SLC25A37: variants seen among roughly 807,000 people sequenced by gnomAD.
The protein encoded by SLC25A37 is solute carrier family 25 member 37, also known as mitoferrin-1.
A neutral mutation model predicts 31.0 loss-of-function variants in SLC25A37; 17 were observed. The ratio of observed to expected loss-of-function variants is 0.55; its 90% CI spans 0.38 to 0.82. The LOEUF is 0.82. Ranked by LOEUF, SLC25A37 falls within the 40% of genes least tolerant of loss-of-function variation. The probability of loss-of-function intolerance (pLI) is 0.00; values close to 1 mark genes in which losing one functional copy is unlikely to be tolerated. For missense variants in SLC25A37, 404 were observed against 465.8 expected (o/e 0.87, Z 1.22); for synonymous variants, 222 against 193.0 (o/e 1.15, Z -1.24).
At chr8:23,562,042 A>G (rs1250118331) in intron 1 of SLC25A37, among the ~76,000 whole-genome samples, 6 of 152,174 alleles carry the variant, frequency 3.9e-5, no homozygotes, top group East Asian at 1.9e-4. Context: ...GCCCTGCTCA[A>G]TGGGGCTCTG....
chr8:23,538,380 C>CAAA (rs1286476649), intron 1 of SLC25A37, among the ~76,000 whole-genome samples: 127 of 10,734 alleles, frequency 0.012, 18 homozygotes, highest in African/African-American at 0.023. Flanking sequence ...GACTTCATCT[C>CAAA]AAAAAAAAAA....
chr8:23,567,968 G>A (rs1213236922), intron 2 of SLC25A37: 2 of 356,028 alleles, frequency 5.6e-6, no homozygotes, highest in Non-Finnish European at 1.1e-5. Flanking sequence ...GTAGACAAAG[G>A]CGAGGGACAA....
chr8:23,571,499 T>C lies in SLC25A37; in HGVS notation c.661T>C (p.Phe221Leu), dbSNP rs1257088964. 5.0e-6 allele frequency: 8 copies of C among 1,613,850 alleles called. No individual in the cohort carries two copies. In the East Asian group the frequency reaches 1.8e-4, roughly 36 times the overall value. Residue 221 changes from phenylalanine (F) to leucine (L), a missense_variant, in exon 4 of 4, where the codon TTC (phenylalanine) becomes CTC (leucine). This residue lies in a region of SLC25A37 where 243 missense variants were observed against 284.4 expected (regional missense o/e 0.85). Coordinates refer to ENST00000519973, the MANE Select transcript of SLC25A37 (RefSeq NM_016612.4). Reference protein sequence around the residue: ...FQSIHFITYEFLQEQVNPHRT... With the variant: ...FQSIHFITYELLQEQVNPHRT... ...GTCCATCCACTTCATCACCTATGAG[T>C]TCCTGCAGGAGCAGGTCAACCCCCA...
chr8:23,532,871 G>A (rs1307556426), intron 1 of SLC25A37, among the ~76,000 whole-genome samples: 4 of 152,246 alleles, frequency 2.6e-5, no homozygotes, highest in Non-Finnish European at 4.4e-5. Context: ...GGCAGTGCAG[G>A]CAGCTGCCAG....
Position 23,573,674 on chromosome 8 carries a change from TCAG to T in SLC25A37, c.*1820_*1822del, listed in dbSNP as rs1802918563. 4.8e-6 allele frequency: 2 copies of T among 412,812 alleles called. No homozygotes were observed. The highest frequency in any genetic ancestry group is 4.1e-5 in the African/African-American group (2 of 49,026). 25.6% of individuals were successfully genotyped at this position (412,812 alleles called of 1,614,324 possible). ...TAATAGCGATGAAGAATTTTATCAGTCAGTGGAGTTCCTTTTTCAGATCAGGGA... is the reference window on the plus strand; with the variant it reads ...TAATAGCGATGAAGAATTTTATCAGTTGGAGTTCCTTTTTCAGATCAGGGA... On this transcript the variant is annotated 3_prime_UTR_variant, in exon 4 of 4. Coordinates refer to ENST00000519973, the MANE Select transcript of SLC25A37 (RefSeq NM_016612.4).
intron 3 of SLC25A37, among the ~76,000 whole-genome samples, chr8:23,570,906 G>A (rs576139295): frequency 9.2e-5 from 14 of 152,170 alleles, no homozygotes; most frequent in Non-Finnish European, 1.2e-4. Flanking sequence ...AAGGGGGCAC[G>A]CTTCCAGTAG....
chr8:23,572,133 C>T lies in SLC25A37; in HGVS notation c.*278C>T. 2 of 275,910 alleles carry T rather than the reference C, an allele frequency of 7.2e-6. No individual in the cohort carries two copies. The highest frequency in any genetic ancestry group is 8.3e-5 in the South Asian group (1 of 12,020). 17.1% of individuals were successfully genotyped at this position (275,910 alleles called of 1,614,324 possible). ...GGCAGAATGTAGCTTTTCTGCTTCA[C>T]TGTGGCAGCCTCCTCCCTGGATCCT... On this transcript the variant is annotated 3_prime_UTR_variant, in exon 4 of 4. Transcript: ENST00000519973.
chr8:23,535,826 A>G (rs1230156462), intron 1 of SLC25A37, among the ~76,000 whole-genome samples: 1 of 152,168 alleles, frequency 6.6e-6, no homozygotes, highest in Non-Finnish European at 1.5e-5. Flanking sequence ...TAAAATCATC[A>G]GATCTCGTGA....
chr8:23,555,612 C>T (rs73555565), intron 1 of SLC25A37, among the ~76,000 whole-genome samples: 3 of 152,206 alleles, frequency 2.0e-5, no homozygotes, highest in African/African-American at 2.4e-5. Flanking sequence ...CCAGTAGACC[C>T]TGAAGGTTTC....
chr8:23,564,392 T>A (rs7843576), intron 1 of SLC25A37, among the ~76,000 whole-genome samples: 6,436 of 147,422 alleles, frequency 0.044, 479 homozygotes, highest in African/African-American at 0.15. Context: ...AGATTTTTTT[T>A]ATGATTTTGT....
At chr8:23,536,658 C>G (rs951495142) in intron 1 of SLC25A37, among the ~76,000 whole-genome samples, 22 of 152,296 alleles carry the variant, frequency 1.4e-4, no homozygotes, top group African/African-American at 5.1e-4. Flanking sequence ...TCCTCAGACT[C>G]AGTGTGGCCA....
At chr8:23,542,586 C>G (rs569025524) in intron 1 of SLC25A37, among the ~76,000 whole-genome samples, 1 of 151,844 alleles carries the variant, frequency 6.6e-6, no homozygotes, top group African/African-American at 2.4e-5. Flanking sequence ...ACCATGTTGG[C>G]CAGGCTGGTC....
chr8:23,541,092 T>C (rs1265691697), intron 1 of SLC25A37, among the ~76,000 whole-genome samples: 3 of 152,000 alleles, frequency 2.0e-5, no homozygotes, highest in Admixed American at 1.3e-4. Context: ...AGGGTGGCTG[T>C]CTGCTGCCGC....
At chr8:23,552,786 C>T (rs1051009002) in intron 1 of SLC25A37, among the ~76,000 whole-genome samples, 2 of 152,090 alleles carry the variant, frequency 1.3e-5, no homozygotes, top group Non-Finnish European at 2.9e-5. Flanking sequence ...GTCAGAGGGG[C>T]GAGTCTGGCA....
At chr8:23,570,659 TTACAGTCTTTATTTGTTTAAAAGTAAAGC>T (rs1271453330) in intron 3 of SLC25A37, among the ~76,000 whole-genome samples, 9 of 152,218 alleles carry the variant, frequency 5.9e-5, no homozygotes, top group African/African-American at 2.2e-4. Flanking sequence ...AACTATTGGT[TTACAGTCTTTATTTGTTTAAAAGTAAAGC>T]ACATTGTATG....
chr8:23,567,822 C>A (rs1802705785), intron 2 of SLC25A37: 1 of 119,102 alleles, frequency 8.4e-6, no homozygotes, highest in Non-Finnish European at 1.6e-5. Context: ...TCTTCTCTTG[C>A]CCAGTTTTTT....
chr8:23,548,714 C>T lies in SLC25A37; in HGVS notation c.211-17394C>T, dbSNP rs559925119. Reference sequence around the variant, plus strand: ...CAAATTCCCGACCTCAGGTGATCTGCTCACCTCAGCCTCCTAAAGTGCTGG... The same window carrying T: ...CAAATTCCCGACCTCAGGTGATCTGTTCACCTCAGCCTCCTAAAGTGCTGG... On this transcript the variant is annotated intron_variant, in intron 1 of 3. Transcript: ENST00000519973. Among the ~76,000 whole-genome samples the T allele has an allele frequency of 2.6e-5, 4 of 152,252 alleles. No homozygotes were observed. The South Asian group carries it at 6.2e-4, about 24-fold the overall frequency.
rs1802859657 is a variant in SLC25A37 at position 23,571,878 on chromosome 8, T to C, written c.*23T>C. ...TAAAGGAAGGGATCATAGAATCTTT[T>C]CTTAAAGTCATTCTCTGCCTGCATC... On this transcript the variant is annotated 3_prime_UTR_variant, in exon 4 of 4. Transcript: ENST00000519973. 1.7e-5 allele frequency: 28 copies of C among 1,600,262 alleles called. No individual in the cohort carries two copies. Among genetic ancestry groups the C allele is most frequent in the Non-Finnish European group, 2.4e-5 (28 of 1,170,290 alleles).
chr8:23,561,544 A>G (rs1305419189), intron 1 of SLC25A37, among the ~76,000 whole-genome samples: 1 of 152,220 alleles, frequency 6.6e-6, no homozygotes, highest in African/African-American at 2.4e-5. Flanking sequence ...CCCTAAGGTT[A>G]AGGAACCTGC....
Sources: gnomAD v4.1 joint callset for allele counts (sites outside exome capture counted in the v4.1 genomes callset) on GRCh38, gnomAD v4.1.1 for gene constraint, gnomAD v4.1.1 regional missense constraint, MANE v1.5 for transcripts, NCBI Gene and HGNC (gene_info 2026-07-23, HGNC 2026-07-21) for gene names.